The following LNX1 variants were observed in gnomAD, a reference collection of about 807,000 sequenced individuals.
LNX1 encodes ligand of numb-protein X 1.
LNX1 carries 54 observed loss-of-function variants against 68.4 expected under a neutral mutation model. That is an observed-to-expected ratio of 0.79 (90% CI 0.63 to 0.99). The LOEUF is 0.99. LNX1 is among the 50% of genes least tolerant of loss of function. LNX1 has a pLI of 0.00. For synonymous variants in LNX1, 336 were observed against 350.0 expected (o/e 0.96, Z 0.45); for missense variants, 906 against 926.4 (o/e 0.98, Z 0.29).
intron 2 of LNX1, among the ~76,000 whole-genome samples, chr4:53,510,823 TG>T: frequency 6.6e-6 from 1 of 152,212 alleles, no homozygotes; most frequent in East Asian, 1.9e-4. Context: ...ATTTTCCAGC[TG>T]GACAAATGGC....
upstream of LNX1, among the ~76,000 whole-genome samples, chr4:53,595,520 G>A (rs1471555690): frequency 6.6e-6 from 1 of 152,174 alleles, no homozygotes; most frequent in African/African-American, 2.4e-5. Context: ...TGCCATTTCG[G>A]CAACCACATG....
intron 2 of LNX1, among the ~76,000 whole-genome samples, chr4:53,598,083 A>T (rs1401403589): frequency 6.6e-6 from 1 of 152,150 alleles, no homozygotes; most frequent in African/African-American, 2.4e-5. Flanking sequence ...CAGACTTGAG[A>T]TTCAGTCCCA....
Position 53,460,895 on chromosome 4 carries a change from C to A in LNX1, c.*12G>T. On this transcript the variant is annotated 3_prime_UTR_variant, in exon 11 of 11. Coordinates refer to ENST00000263925, the MANE Select transcript of LNX1 (RefSeq NM_001126328.3). Reference sequence around the variant, plus strand: ...TGTGATTTTTCTGTTTTCCTCTGACCCATCATTGATTCTATAAAAAAGTGC... The same window carrying A: ...TGTGATTTTTCTGTTTTCCTCTGACACATCATTGATTCTATAAAAAAGTGC... The A allele has an allele frequency of 1.2e-6, 2 of 1,603,630 alleles. No individual in the cohort carries two copies. Among genetic ancestry groups the A allele is most frequent in the Non-Finnish European group, 1.7e-6 (2 of 1,175,910 alleles).
intron 2 of LNX1, among the ~76,000 whole-genome samples, chr4:53,565,412 C>T (rs1300459610): frequency 2.6e-5 from 4 of 151,522 alleles, no homozygotes; most frequent in Non-Finnish European, 4.4e-5. Flanking sequence ...CTGCAGGGTA[C>T]TCCAACAGAC....
intron 9 of LNX1, among the ~76,000 whole-genome samples, chr4:53,468,892 G>A (rs1323951496): frequency 1.3e-5 from 2 of 152,128 alleles, no homozygotes; most frequent in Admixed American, 1.3e-4. Flanking sequence ...ATAATAATGG[G>A]AGACTTTAAC....
chr4:53,592,852 G>A, upstream of LNX1: 1 of 152,300 alleles, frequency 6.6e-6, no homozygotes, highest in South Asian at 2.1e-4. Context: ...CGCAAAGCAA[G>A]GGGGAGGAGA....
chr4:53,561,315 C>T lies in LNX1; in HGVS notation c.380+12308G>A, dbSNP rs530918736. ...CGATCTTGACTCATTGCAACCTCCG[C>T]CTCCCAGGTTCAAACGATTCTCCTG... On this transcript the variant is annotated intron_variant, in intron 2 of 10. Coordinates refer to ENST00000263925, the MANE Select transcript of LNX1 (RefSeq NM_001126328.3). Among the ~76,000 whole-genome samples, 543 of 152,152 alleles carry T rather than the reference C, an allele frequency of 3.6e-3. 2 individuals are homozygous for T. The highest frequency in any genetic ancestry group is 0.012 in the African/African-American group (515 of 41,508).
Position 53,573,612 on chromosome 4 carries a change from G to A in LNX1, c.380+11C>T. On this transcript the variant is annotated intron_variant, in intron 2 of 10. Transcript: ENST00000263925. ...GGGTGGGACTTACCGGCTCGCTGAT[G>A]GGGGACCTACCTGGTTTGAAAGTGA... The A allele has an allele frequency of 1.3e-6, 2 of 1,590,686 alleles. No individual in the cohort carries two copies. Among genetic ancestry groups the A allele is most frequent in the Non-Finnish European group, 1.7e-6 (2 of 1,167,536 alleles).
chr4:53,613,031 A>T (rs1733552601), intron 2 of LNX1, among the ~76,000 whole-genome samples: 1 of 151,196 alleles, frequency 6.6e-6, no homozygotes, highest in African/African-American at 2.4e-5. Flanking sequence ...GTGTATGTGC[A>T]TGTGTATGTC....
intron 9 of LNX1, among the ~76,000 whole-genome samples, chr4:53,468,616 C>G (rs969542013): frequency 6.6e-6 from 1 of 152,112 alleles, no homozygotes; most frequent in Non-Finnish European, 1.5e-5. Flanking sequence ...CAGAGACACA[C>G]ATAGGCTCAA....
intron 6 of LNX1, among the ~76,000 whole-genome samples, chr4:53,493,961 C>T (rs1041733499): frequency 4.6e-5 from 7 of 152,116 alleles, no homozygotes; most frequent in African/African-American, 1.7e-4. Flanking sequence ...TAGCATGGCT[C>T]GCAATATTTC....
At chr4:53,548,666 A>T (rs1226121827) in intron 2 of LNX1, among the ~76,000 whole-genome samples, 1 of 152,224 alleles carries the variant, frequency 6.6e-6, no homozygotes, top group African/African-American at 2.4e-5. Context: ...CAGCAATCCC[A>T]TTACTGGGTA....
At chr4:53,600,010 A>C (rs1281866074) in intron 2 of LNX1, among the ~76,000 whole-genome samples, 1 of 152,198 alleles carries the variant, frequency 6.6e-6, no homozygotes, top group Admixed American at 6.5e-5. Context: ...AATTCCTTTA[A>C]GGTAGAGTTG....
At chr4:53,461,890 A>G (rs371692276) in intron 9 of LNX1, among the ~76,000 whole-genome samples, 6 of 152,136 alleles carry the variant, frequency 3.9e-5, no homozygotes, top group African/African-American at 1.4e-4. Flanking sequence ...CAATGCTTGA[A>G]TATGTATTAG....
chr4:53,575,844 CA>C lies in LNX1; in HGVS notation c.-86-1757del, dbSNP rs1297908777. The C allele has an allele frequency of 3.1e-6, 5 of 1,590,664 alleles. No individual in the cohort carries two copies. The African/African-American group carries it at 6.7e-5, about 21-fold the overall frequency. On this transcript the variant is annotated intron_variant, in intron 1 of 10. Transcript: ENST00000263925. ...TGGACCAGCTACTAGGGGACCTAAA[CA>C]GGAGCATGTTTAGAAAGTTGCTGAA...
At chr4:53,602,982 C>A (rs1263569105) in intron 2 of LNX1, 8 of 152,346 alleles carry the variant, frequency 5.3e-5, no homozygotes, top group African/African-American at 1.9e-4. Flanking sequence ...AGTACAGAGA[C>A]AGTGAGTTTC....
At chr4:53,526,133 A>T (rs1229719838) in intron 2 of LNX1, among the ~76,000 whole-genome samples, 1 of 152,162 alleles carries the variant, frequency 6.6e-6, no homozygotes, top group Non-Finnish European at 1.5e-5. Context: ...AAAAGATAAC[A>T]TACGCCACGT....
chr4:53,622,729 T>G (rs2109861753), intron 1 of LNX1, among the ~76,000 whole-genome samples: 1 of 152,304 alleles, frequency 6.6e-6, no homozygotes, highest in Admixed American at 6.5e-5. Context: ...CCTAACACAG[T>G]GCAGTTGCTT....
Position 53,573,814 on chromosome 4 carries a change from G to A in LNX1, c.189C>T (p.Leu63=). The A allele has an allele frequency of 6.2e-7, 1 of 1,613,400 alleles. No individual in the cohort carries two copies. Among genetic ancestry groups the A allele is most frequent in the Middle Eastern group, 1.6e-4 (1 of 6,062 alleles). Residue 63 remains leucine, a synonymous_variant, in exon 2 of 11, where the codon CTC becomes CTT. Transcript: ENST00000263925. The stretch of plus-strand genomic sequence containing the variant: ...TCTCCACCAGGAAGTTGGTGAGGCA[G>A]AGGGTGCAGTAGGTGTGTCCACACG... ...DTPCGHTYCT[L]CLTNFLVEKD...
Sources: gnomAD v4.1 joint callset for allele counts (sites outside exome capture counted in the v4.1 genomes callset) on GRCh38, gnomAD v4.1.1 for gene constraint, MANE v1.5 for transcripts, NCBI Gene and HGNC (gene_info 2026-07-23, HGNC 2026-07-21) for gene names.